ZNF677: variants seen among roughly 807,000 people sequenced by gnomAD.
ZNF677 encodes hypothetical protein MGC48625.
A neutral mutation model predicts 8.1 loss-of-function variants in ZNF677; 5 were observed. The observed-to-expected ratio is 0.62, with a 90% CI of 0.32 to 1.29. The LOEUF is 1.29. Among genes scored for constraint, ZNF677 ranks in the 50% most tolerant of loss-of-function variants. The pLI is 0.05. For synonymous variants in ZNF677, 221 were observed against 225.6 expected, an observed-to-expected ratio of 0.98 and a Z score of 0.18; for missense variants, 685 against 685.9, an observed-to-expected ratio of 1.00 and a Z score of 0.01.
At position 53,244,846 on chromosome 19, in the gene ZNF677, A is replaced by G. The variant is rs185372162; in HGVS notation, c.16-949T>C. 2.7e-3 allele frequency among the ~76,000 whole-genome samples: 416 copies of G among 152,358 alleles called. 2 individuals carry two copies. Among genetic ancestry groups the G allele is most frequent in the Non-Finnish European group, 4.8e-3 (328 of 68,034 alleles). On this transcript the variant is annotated intron_variant, in intron 3 of 4. Coordinates refer to ENST00000598513, the MANE Select transcript of ZNF677 (RefSeq NM_182609.4). ...GGAGTATCACACTTCCTGATTTCAA[A>G]GTATATTACAAAGGTATGGTAATCA...
chr19:53,254,678 G>A (rs1327045619), intron 1 of ZNF677, 156 bp downstream of exon 1: 1 of 152,534 alleles, frequency 6.6e-6, no homozygotes, highest in Non-Finnish European at 1.5e-5. Flanking sequence ...AGACCCTCTC[G>A]GAGCGACGGG....
At chr19:53,249,328 G>A (rs1217577343) in intron 3 of ZNF677, 1 of 152,122 alleles carries the variant, frequency 6.6e-6, no homozygotes, top group Non-Finnish European at 1.5e-5. Context: ...GCCCAACCTG[G>A]AGGAATCCTC....
In ZNF677 at chr19:53,243,764, T is replaced by G. The variant is rs1388208783; in HGVS notation, c.149A>C (p.Asp50Ala). 2 of 1,614,164 alleles carry G rather than the reference T, an allele frequency of 1.2e-6. No homozygotes were observed. Among genetic ancestry groups the G allele is most frequent in the South Asian group, 2.2e-5 (2 of 91,084 alleles). ...GTTACCATCTTCTGGAGGGATGTTA[T>G]CCTCATCGAGAGAAAGCAGGTTCCT... ...NYRNLLSLDE[D>A]NIPPEDDISV... Residue 50 changes from aspartate (D) to alanine (A), a missense_variant, in exon 4 of 5, where the codon GAT becomes GCT. Physicochemically the swap from Asp to Ala is moderately radical, Grantham distance 126 (BLOSUM62 -2). Transcript: ENST00000598513.
chr19:53,251,425 G>T (rs1242001890), intron 3 of ZNF677, 111 bp downstream of exon 3: 4 of 844,382 alleles, frequency 4.7e-6, no homozygotes, highest in Non-Finnish European at 8.0e-6. Flanking sequence ...CCCTGGGTGT[G>T]AATATACATA....
intron 2 of ZNF677, among the ~76,000 whole-genome samples, chr19:53,252,110 G>A (rs1295774970): frequency 6.6e-6 from 1 of 152,130 alleles, no homozygotes; most frequent in Non-Finnish European, 1.5e-5. Context: ...GTAGAGATAG[G>A]GAGAAAGAAT....
chr19:53,238,578 C>T (rs202210202), intron 4 of ZNF677, 21 bp from the exon 5 acceptor site: 7 of 1,518,094 alleles, frequency 4.6e-6, no homozygotes, highest in Non-Finnish European at 6.1e-6. Context: ...TTAAAAAAAC[C>T]ACAGGCTTTC....
At chr19:53,254,201 C>T (rs981019830) in intron 1 of ZNF677, among the ~76,000 whole-genome samples, 109 of 151,680 alleles carry the variant, frequency 7.2e-4, no homozygotes, top group African/African-American at 2.5e-3. Context: ...ATTTGGGTGC[C>T]CCCCCCTTTC....
chr19:53,254,792 G>A (rs918883487), intron 1 of ZNF677, 42 bp downstream of exon 1: 3 of 152,682 alleles, frequency 2.0e-5, no homozygotes, highest in Admixed American at 6.5e-5. Flanking sequence ...GGAACCTGTG[G>A]CCCGCGAGGC....
chr19:53,240,546 C>T (rs8100627), intron 4 of ZNF677: 52,451 of 152,148 alleles, frequency 0.34, 11,290 homozygotes, highest in African/African-American at 0.61. Flanking sequence ...ACGCCCAGCC[C>T]TAGAAATTGA....
chr19:53,237,142 T>C lies in ZNF677; in HGVS notation c.1585A>G (p.Asn529Asp). Residue 529 changes from asparagine to aspartate, a missense_variant, in exon 5 of 5, where the codon AAC (asparagine) becomes GAC (aspartate). By Grantham distance (23) the Asn-to-Asp change is conservative. Coordinates refer to ENST00000598513, the MANE Select transcript of ZNF677 (RefSeq NM_182609.4). The part of the protein sequence containing the change: ...ECGKAFTQFA[N>D]LTRHQKIHIE... Reference sequence around the variant, plus strand: ...TGTATTTTCTGGTGTCTAGTGAGGTTTGCAAATTGGGTAAAAGCTTTGCCA... The same window carrying C: ...TGTATTTTCTGGTGTCTAGTGAGGTCTGCAAATTGGGTAAAAGCTTTGCCA... 5 of 1,613,792 alleles carry C rather than the reference T, an allele frequency of 3.1e-6. No individual in the cohort carries two copies. Among genetic ancestry groups the C allele is most frequent in the Admixed American group, 1.7e-5 (1 of 59,970 alleles).
In ZNF677 at chr19:53,242,205, T is replaced by C. The variant is rs1385048631; in HGVS notation, c.169+1539A>G. On this transcript the variant is annotated intron_variant, in intron 4 of 4. Transcript: ENST00000598513. The stretch of plus-strand genomic sequence containing the variant: ...CCTCGGCCTCCCAAAGTGCTGGGAT[T>C]ATAGGCGTGAGGCACCACGCCCATC... 60 of 397,894 alleles carry C rather than the reference T, an allele frequency of 1.5e-4. No homozygotes were observed. The East Asian group carries it at 2.0e-3, about 13-fold the overall frequency. 24.6% of individuals were successfully genotyped at this position (397,894 alleles called of 1,614,324 possible).
intron 4 of ZNF677, chr19:53,239,663 A>G (rs1210693474): frequency 7.2e-6 from 1 of 139,034 alleles, no homozygotes; most frequent in East Asian, 1.9e-4. Flanking sequence ...GGTCAATCTC[A>G]TAAGAAACAT....
intron 3 of ZNF677, among the ~76,000 whole-genome samples, chr19:53,248,150 TTAAAATTTCCATCAGAA>T (rs2091176662): frequency 6.6e-6 from 1 of 152,174 alleles, no homozygotes; most frequent in Non-Finnish European, 1.5e-5. Flanking sequence ...GCCCTGGGAA[TTAAAATTTCCATCAGAA>T]GCTGATAATA....
intron 3 of ZNF677, among the ~76,000 whole-genome samples, chr19:53,247,010 T>C (rs2091154886): frequency 6.6e-6 from 1 of 152,210 alleles, no homozygotes; most frequent in African/African-American, 2.4e-5. Flanking sequence ...ATTACATATG[T>C]ATAGGTTTTT....
intron 1 of ZNF677, 139 bp downstream of exon 1, chr19:53,254,695 A>C (rs1472806514): frequency 6.6e-6 from 1 of 152,536 alleles, no homozygotes; most frequent in Non-Finnish European, 1.5e-5. Flanking sequence ...CGGGACTGGG[A>C]ACGTCTTAGG....
rs368910161 is a variant in ZNF677, at chr19:53,237,295, G to C, written c.1432C>G (p.Gln478Glu). 24 of 1,613,106 alleles carry C rather than the reference G, an allele frequency of 1.5e-5. No individual in the cohort carries two copies. The African/African-American group carries it at 2.7e-4, about 18-fold the overall frequency. The change falls in exon 5 of 5, where the codon CAG becomes GAG. Residue 478 changes from glutamine to glutamate, a missense_variant. Gln to Glu is a conservative substitution (Grantham distance 29). Coordinates refer to ENST00000598513, the MANE Select transcript of ZNF677 (RefSeq NM_182609.4). ...GGTTTCTCTCCAGTATGAGTTCTCT[G>C]ATGACCCCAAAGGTGTGAACGTTTG... ...FIKRSHLWGH[Q>E]RTHTGEKPYK...
chr19:53,236,779 G>T lies in ZNF677; in HGVS notation c.*193C>A. 2.1e-6 allele frequency: 1 copy of T among 474,712 alleles called. No individual in the cohort carries two copies. The highest frequency in any genetic ancestry group is 3.6e-6 in the Non-Finnish European group (1 of 274,630). The allele number at this position is 474,712 out of a possible 1,614,324, so 29.4% of individuals were successfully genotyped here. A position where few individuals can be genotyped will look rare whatever the true frequency, so the allele number is the denominator to read the frequency against. On this transcript the variant is annotated 3_prime_UTR_variant, in exon 5 of 5. Coordinates refer to ENST00000598513, the MANE Select transcript of ZNF677 (RefSeq NM_182609.4). ...CTGTTCACATTCATTATATTTGTAA[G>T]GCTTCTCTACAGTAAGAATTCTATG...
Position 53,237,407 on chromosome 19 carries a change from A to G in ZNF677, c.1320T>C (p.Phe440=), listed in dbSNP as rs758424928. The change falls in exon 5 of 5, where the codon TTT becomes TTC. Residue 440 remains phenylalanine, a synonymous_variant. Coordinates refer to ENST00000598513, the MANE Select transcript of ZNF677 (RefSeq NM_182609.4). ...PHKCNVCGRA[F]IQSSSLVEHQ... is the part of the protein sequence containing the mutation. ...GTTCCACAAGACTTGAACTTTGGATAAAAGCCCTGCCACACACATTACATT... is the reference window on the plus strand; with the variant it reads ...GTTCCACAAGACTTGAACTTTGGATGAAAGCCCTGCCACACACATTACATT... 4.2e-5 allele frequency: 68 copies of G among 1,613,954 alleles called. No homozygotes were observed. The South Asian group carries it at 6.8e-4, about 16-fold the overall frequency.
At position 53,238,573 on chromosome 19, in the gene ZNF677, A is replaced by G; in HGVS notation, c.170-16T>C. The G allele has an allele frequency of 2.0e-6, 3 of 1,525,622 alleles. No homozygotes were observed. The highest frequency in any genetic ancestry group is 2.6e-6 in the Non-Finnish European group (3 of 1,147,176). 94.5% of individuals were successfully genotyped at this position (1,525,622 alleles called of 1,614,324 possible). On this transcript the variant is annotated splice_polypyrimidine_tract_variant and intron_variant, in intron 4 of 4. Transcript: ENST00000598513. ...ACAGAAATATCTGAAAGATATTAAA[A>G]AAACCACAGGCTTTCCATCAAATAG...
Sources: gnomAD v4.1 joint callset for allele counts (sites outside exome capture counted in the v4.1 genomes callset) on GRCh38, gnomAD v4.1.1 for gene constraint, MANE v1.5 for transcripts, NCBI Gene and HGNC (gene_info 2026-07-23, HGNC 2026-07-21) for gene names.